Variants in MAGI2 observed in about 807,000 individuals in gnomAD.
MAGI2 encodes the protein membrane-associated guanylate kinase, WW and PDZ domain-containing protein 2.
Under a neutral mutation model 133.3 loss-of-function variants are expected in MAGI2, and 35 were observed. The ratio of observed to expected loss-of-function variants is 0.26; its 90% confidence interval spans 0.20 to 0.35. MAGI2 has a LOEUF of 0.35. MAGI2 is among the 10% of genes least tolerant of loss of function. MAGI2 has a pLI of 1.00. For synonymous variants in MAGI2, 729 were observed against 710.6 expected (o/e 1.03, Z -0.41); for missense variants, 1,636 against 1,863.4 (o/e 0.88, Z 2.25).
chr7:78,525,438 C>T (rs1424711939), intron 3 of MAGI2, among the ~76,000 whole-genome samples: 1 of 151,936 alleles, frequency 6.6e-6, no homozygotes, highest in Non-Finnish European at 1.5e-5. Context: ...TAAGTGTATA[C>T]AAATAAATGT....
chr7:78,697,260 T>C (rs912784660), intron 2 of MAGI2, among the ~76,000 whole-genome samples: 8 of 152,202 alleles, frequency 5.3e-5, no homozygotes, highest in South Asian at 2.1e-4. Context: ...ATTCTATTCA[T>C]GGAAATTTAA....
chr7:78,683,751 A>G (rs567738365), intron 2 of MAGI2, among the ~76,000 whole-genome samples: 4 of 152,072 alleles, frequency 2.6e-5, no homozygotes, highest in African/African-American at 9.6e-5. Context: ...AAGATCACTC[A>G]TTTTTTCCAC....
At chr7:78,396,323 T>C (rs1336580595) in intron 6 of MAGI2, among the ~76,000 whole-genome samples, 1 of 152,198 alleles carries the variant, frequency 6.6e-6, no homozygotes, top group Non-Finnish European at 1.5e-5. Context: ...CCAGCCTCCC[T>C]GACTTCTCAT....
intron 1 of MAGI2, among the ~76,000 whole-genome samples, chr7:79,099,745 T>C (rs1483269661): frequency 1.3e-5 from 2 of 152,174 alleles, no homozygotes; most frequent in African/African-American, 4.8e-5. Context: ...CCTGTTCCCG[T>C]GTTAGTTCGC....
intron 21 of MAGI2, among the ~76,000 whole-genome samples, chr7:78,059,694 C>T (rs933624289): frequency 2.0e-5 from 3 of 151,982 alleles, no homozygotes; most frequent in South Asian, 2.1e-4. Flanking sequence ...TTTGTACTCT[C>T]TTATTCTAAG....
chr7:78,505,627 A>G (rs1170408687), intron 4 of MAGI2, among the ~76,000 whole-genome samples: 1 of 152,238 alleles, frequency 6.6e-6, no homozygotes. Flanking sequence ...AATATTTATT[A>G]TGCACTCAAC....
At chr7:78,235,760 C>A (rs1790467273) in intron 10 of MAGI2, among the ~76,000 whole-genome samples, 1 of 151,868 alleles carries the variant, frequency 6.6e-6, no homozygotes, top group Non-Finnish European at 1.5e-5. Context: ...ATTTTTTTTA[C>A]AACTCCTTTC....
rs1156455354 is a variant in MAGI2 at position 78,025,311 on chromosome 7, G to A, written c.3707-5335C>T. On this transcript the variant is annotated intron_variant, in intron 21 of 21. Transcript: ENST00000354212. ...TCCCAGAGAACTCCAATCTACAGTA[G>A]ATACTACACCCCCTCAGCAGCTTCT... Among the ~76,000 whole-genome samples the A allele has an allele frequency of 1.3e-4, 4 of 30,444 alleles. No individual in the cohort carries two copies. The East Asian group carries it at 0.014, about 110-fold the overall frequency. The allele number at this position is 30,444 out of a possible 152,430, so 20.0% of individuals were successfully genotyped here.
chr7:79,418,999 T>C (rs1168577747), intron 1 of MAGI2, among the ~76,000 whole-genome samples: 1 of 152,010 alleles, frequency 6.6e-6, no homozygotes, highest in Non-Finnish European at 1.5e-5. Context: ...ATGCCATTCC[T>C]AGACAGATAC....
At chr7:78,261,151 T>A (rs1405979451) in intron 9 of MAGI2, among the ~76,000 whole-genome samples, 1 of 152,142 alleles carries the variant, frequency 6.6e-6, no homozygotes, top group Non-Finnish European at 1.5e-5. Flanking sequence ...GTCTACTCCA[T>A]TAAGTTCAAA....
chr7:79,209,061 A>C (rs1039842895), intron 1 of MAGI2, among the ~76,000 whole-genome samples: 2 of 151,978 alleles, frequency 1.3e-5, no homozygotes, highest in Non-Finnish European at 2.9e-5. Context: ...TGGTCCATAG[A>C]TACAAAATTT....
intron 6 of MAGI2, among the ~76,000 whole-genome samples, chr7:78,424,110 G>C (rs995595265): frequency 6.6e-6 from 1 of 152,166 alleles, no homozygotes; most frequent in Non-Finnish European, 1.5e-5. Flanking sequence ...TGGAGGCCTA[G>C]GAGAAAATGG....
intron 2 of MAGI2, among the ~76,000 whole-genome samples, chr7:78,699,931 A>G (rs1242649246): frequency 6.6e-6 from 1 of 152,124 alleles, no homozygotes; most frequent in Non-Finnish European, 1.5e-5. Context: ...TAAGTCCCCC[A>G]TTTGAGAAGA....
Position 78,524,052 on chromosome 7 carries a change from G to GAAA in MAGI2, c.539-2410_539-2408dup, listed in dbSNP as rs11434233. ...CTGCTCTGATTCACTCATTTCTAGG[G>GAAA]AAAAAAAAAAATCCCAGGCAGGATC... On this transcript the variant is annotated intron_variant, in intron 3 of 21. Transcript: ENST00000354212. Among the ~76,000 whole-genome samples the GAAA allele has an allele frequency of 6.9e-3, 1,035 of 149,158 alleles. 5 individuals carry two copies. Among genetic ancestry groups the GAAA allele is most frequent in the African/African-American group, 0.013 (529 of 40,568 alleles).
chr7:78,692,150 G>A (rs913704023), intron 2 of MAGI2, among the ~76,000 whole-genome samples: 3 of 152,192 alleles, frequency 2.0e-5, no homozygotes, highest in African/African-American at 7.2e-5. Flanking sequence ...AGCCCTATCA[G>A]TAAGCAGGTT....
intron 1 of MAGI2, among the ~76,000 whole-genome samples, chr7:79,323,078 T>A (rs1388271046): frequency 6.6e-6 from 1 of 152,048 alleles, no homozygotes; most frequent in African/African-American, 2.4e-5. Flanking sequence ...GCTCAAGCAA[T>A]CCTCCCACCT....
chr7:79,451,900 T>C (rs1373822345), intron 1 of MAGI2, among the ~76,000 whole-genome samples: 2 of 152,220 alleles, frequency 1.3e-5, no homozygotes, highest in African/African-American at 4.8e-5. Context: ...AGAAAAAAGC[T>C]ACTACTTTAT....
chr7:78,559,170 C>CAAAAAAAAAAAA (rs1563168332), intron 3 of MAGI2, among the ~76,000 whole-genome samples: 2 of 32,596 alleles, frequency 6.1e-5, no homozygotes, highest in Non-Finnish European at 1.4e-4. Flanking sequence ...AAAAAAAAGC[C>CAAAAAAAAAAAA]AAAAAGAAAA....
chr7:78,130,595 A>G (rs1340353118), intron 18 of MAGI2, among the ~76,000 whole-genome samples: 1 of 152,224 alleles, frequency 6.6e-6, no homozygotes, highest in Non-Finnish European at 1.5e-5. Context: ...CTCTTCATTC[A>G]TATGCAAATG....
Sources: gnomAD v4.1 joint callset for allele counts (sites outside exome capture counted in the v4.1 genomes callset) on GRCh38, gnomAD v4.1.1 for gene constraint, MANE v1.5 for transcripts, NCBI Gene and HGNC (gene_info 2026-07-23, HGNC 2026-07-21) for gene names.